The following PCDH11X variants were observed in gnomAD, a reference collection of about 807,000 sequenced individuals.
PCDH11X encodes the protein protocadherin 11 X-linked.
A neutral mutation model predicts 53.3 loss-of-function variants in PCDH11X; 18 were observed. The ratio of observed to expected loss-of-function variants is 0.34; its 90% CI spans 0.23 to 0.50. The LOEUF is 0.50. Among genes scored for constraint, PCDH11X ranks in the 20% least tolerant of loss-of-function variants. PCDH11X has a pLI of 0.98. For synonymous variants in PCDH11X, 279 were observed against 393.3 expected (o/e 0.71, Z 3.44); for missense variants, 570 against 1,032.4 (o/e 0.55, Z 6.14).
intron 9 of PCDH11X, among the ~76,000 whole-genome samples, chrX:92,402,325 G>A (rs1051500616): frequency 5.4e-5 from 6 of 111,846 alleles, no homozygotes; most frequent in African/African-American, 1.9e-4. Flanking sequence ...AGCCTGAATA[G>A]CCAAGGCAAA....
intron 5 of PCDH11X, among the ~76,000 whole-genome samples, chrX:91,861,642 C>T (rs1454268618): frequency 2.7e-5 from 3 of 111,835 alleles, no homozygotes; most frequent in South Asian, 3.8e-4. Context: ...TGCTACCTAC[C>T]GCTGGGTCCA....
rs765590869 is a variant in PCDH11X, at chrX:92,433,311, A to G, written c.3344-34988A>G. On this transcript the variant is annotated intron_variant, in intron 9 of 10. Coordinates refer to ENST00000682573, the MANE Select transcript of PCDH11X (RefSeq NM_032968.5). ...GTGAGGAAATGAATAGTTAGCATAT[A>G]AATAATTCCTATTATTTGCAGTGAT... 3.4e-3 allele frequency among the ~76,000 whole-genome samples: 375 copies of G among 110,477 alleles called. 2 individuals are homozygous for G. The highest frequency in any genetic ancestry group is 0.012 in the African/African-American group (361 of 30,505).
intron 6 of PCDH11X, among the ~76,000 whole-genome samples, chrX:91,970,114 T>G (rs2061932015): frequency 1.8e-5 from 2 of 111,160 alleles, no homozygotes; most frequent in Non-Finnish European, 3.8e-5. Context: ...GGGTTCACAA[T>G]CTCGCTGGCT....
At chrX:91,872,037 C>T (rs1939345338) in intron 5 of PCDH11X, among the ~76,000 whole-genome samples, 1 of 110,748 alleles carries the variant, frequency 9.0e-6, no homozygotes, top group South Asian at 3.7e-4. Flanking sequence ...ATTATTCTTG[C>T]ATGCAGTTCT....
intron 9 of PCDH11X, among the ~76,000 whole-genome samples, chrX:92,442,287 G>T (rs1846984712): frequency 9.1e-6 from 1 of 109,740 alleles, no homozygotes. Context: ...TTTTAAATAT[G>T]AGGACATGAG....
At chrX:92,368,662 A>G (rs1420124413) in intron 8 of PCDH11X, among the ~76,000 whole-genome samples, 1 of 111,304 alleles carries the variant, frequency 9.0e-6, no homozygotes, top group Non-Finnish European at 1.9e-5. Context: ...GAGGCTGATG[A>G]ACTTTGGATG....
At chrX:92,310,095 T>G (rs1236122232) in intron 8 of PCDH11X, among the ~76,000 whole-genome samples, 1 of 112,083 alleles carries the variant, frequency 8.9e-6, no homozygotes, top group Non-Finnish European at 1.9e-5. Context: ...TTCACTCTGT[T>G]GCTGTTTTTG....
chrX:91,791,428 A>G (rs1334789478), intron 1 of PCDH11X, among the ~76,000 whole-genome samples: 4 of 109,330 alleles, frequency 3.7e-5, no homozygotes, highest in African/African-American at 1.3e-4. Context: ...AAGACGGAGC[A>G]GGTGCAGGTG....
chrX:91,902,261 A>G (rs1488143134), intron 6 of PCDH11X, among the ~76,000 whole-genome samples: 3 of 110,381 alleles, frequency 2.7e-5, no homozygotes, highest in African/African-American at 9.9e-5. Flanking sequence ...TCTAGTCTCT[A>G]TCCCCTCCAT....
At chrX:92,153,896 TAAC>T (rs2065482787) in intron 6 of PCDH11X, among the ~76,000 whole-genome samples, 3 of 110,366 alleles carry the variant, frequency 2.7e-5, no homozygotes, top group East Asian at 2.9e-4. Flanking sequence ...TGAAAACAAA[TAAC>T]AAAGGAGGAT....
intron 6 of PCDH11X, among the ~76,000 whole-genome samples, chrX:92,060,187 C>A (rs1197521816): frequency 2.8e-5 from 3 of 105,821 alleles, no homozygotes; most frequent in African/African-American, 1.0e-4. Flanking sequence ...ATAAACATTT[C>A]TGCTTTTATT....
At chrX:92,356,096 T>C (rs752899433) in intron 8 of PCDH11X, among the ~76,000 whole-genome samples, 1 of 111,906 alleles carries the variant, frequency 8.9e-6, no homozygotes, top group South Asian at 3.7e-4. Flanking sequence ...GAGGGAATCC[T>C]AGGAGATAAT....
At chrX:91,839,523 G>A (rs1047527009) in intron 5 of PCDH11X, among the ~76,000 whole-genome samples, 1 of 107,581 alleles carries the variant, frequency 9.3e-6, no homozygotes, top group Non-Finnish European at 1.9e-5. Context: ...AGAATCACTT[G>A]AATTCGGGAG....
intron 6 of PCDH11X, among the ~76,000 whole-genome samples, chrX:92,195,583 C>T (rs2066279617): frequency 9.0e-6 from 1 of 111,220 alleles, no homozygotes; most frequent in Non-Finnish European, 1.9e-5. Flanking sequence ...TATGAAATAA[C>T]CCAACACTAT....
At chrX:91,971,617 C>T (rs1419189050) in intron 6 of PCDH11X, among the ~76,000 whole-genome samples, 1 of 111,730 alleles carries the variant, frequency 9.0e-6, no homozygotes, top group African/African-American at 3.2e-5. Flanking sequence ...AGCAATTTGA[C>T]TTTTAGGCTT....
chrX:92,132,935 T>A lies in PCDH11X; in HGVS notation c.3034-68440T>A, dbSNP rs180682350. ...AATTTTAAATTCTGACATTTCTTAA[T>A]ATTTAAAAATGCCATCAAGGAAGTA... On this transcript the variant is annotated intron_variant, in intron 6 of 10. Coordinates refer to ENST00000682573, the MANE Select transcript of PCDH11X (RefSeq NM_032968.5). Among the ~76,000 whole-genome samples the A allele has an allele frequency of 1.3e-3, 144 of 109,908 alleles. 2 individuals carry two copies. Among genetic ancestry groups the A allele is most frequent in the Middle Eastern group, 4.9e-3 (1 of 205 alleles).
At chrX:91,965,703 T>C (rs2061853710) in intron 6 of PCDH11X, among the ~76,000 whole-genome samples, 1 of 112,211 alleles carries the variant, frequency 8.9e-6, no homozygotes, top group African/African-American at 3.3e-5. Flanking sequence ...TCTTGTTCAA[T>C]TAATAAAATT....
chrX:91,942,265 C>A (rs954484173), intron 6 of PCDH11X, among the ~76,000 whole-genome samples: 1 of 109,785 alleles, frequency 9.1e-6, no homozygotes, highest in African/African-American at 3.3e-5. Flanking sequence ...TCAGTCAACC[C>A]AAAGGTTCAT....
At chrX:92,403,339 G>GTTTTTTTTTTTTTTTTTT (rs1191277649) in intron 9 of PCDH11X, among the ~76,000 whole-genome samples, 21 of 49,350 alleles carry the variant, frequency 4.3e-4, no homozygotes, top group Admixed American at 9.6e-4. Flanking sequence ...GTTTTTTTTT[G>GTTTTTTTTTTTTTTTTTT]TTTTTTTTTT....
Sources: allele counts gnomAD v4.1 joint callset (sites outside exome capture counted in the v4.1 genomes callset), GRCh38; gene constraint gnomAD v4.1.1; transcripts MANE v1.5; gene names NCBI Gene and HGNC (gene_info 2026-07-23, HGNC 2026-07-21).